Variants in SLC30A7 observed in about 807,000 individuals in gnomAD.
The protein encoded by SLC30A7 is zinc transporter 7.
In SLC30A7, 35 loss-of-function variants were observed where a neutral mutation model predicts 46.0. The observed-to-expected ratio is 0.76, with a 90% CI of 0.58 to 1.01. The LOEUF is 1.01. SLC30A7 is among the 50% of genes least tolerant of loss of function. The pLI, the probability that SLC30A7 is intolerant of heterozygous loss-of-function variation, is 0.00. For synonymous variants in SLC30A7, 147 were observed against 157.8 expected (o/e 0.93, Z 0.51); for missense variants, 464 against 451.1 (o/e 1.03, Z -0.26).
At chr1:100,948,748 T>C (rs1383052334) in intron 8 of SLC30A7, among the ~76,000 whole-genome samples, 2 of 152,140 alleles carry the variant, frequency 1.3e-5, no homozygotes, top group Non-Finnish European at 2.9e-5. Flanking sequence ...CTTTTTACTT[T>C]TTTCTCTAAA....
At chr1:100,958,278 G>A (rs1011510321) in intron 8 of SLC30A7, among the ~76,000 whole-genome samples, 1 of 152,036 alleles carries the variant, frequency 6.6e-6, no homozygotes, top group Non-Finnish European at 1.5e-5. Flanking sequence ...CCGGGTTCAC[G>A]CCATTCTCCT....
intron 8 of SLC30A7, among the ~76,000 whole-genome samples, chr1:100,945,020 T>G (rs1288636417): frequency 6.6e-6 from 1 of 152,218 alleles, no homozygotes; most frequent in Non-Finnish European, 1.5e-5. Flanking sequence ...GGTTGTGATT[T>G]GCATTTCTCT....
At chr1:100,928,821 A>T (rs769813965) in intron 8 of SLC30A7, among the ~76,000 whole-genome samples, 7 of 152,270 alleles carry the variant, frequency 4.6e-5, no homozygotes, top group Admixed American at 1.3e-4. Flanking sequence ...GCACATTTTT[A>T]AAAAAATTAT....
At chr1:100,941,672 G>C (rs1032286462) in intron 8 of SLC30A7, 5 of 630,742 alleles carry the variant, frequency 7.9e-6, no homozygotes, top group Admixed American at 5.5e-5. Flanking sequence ...ACTGGTCTCT[G>C]AGAGTCTTCT....
chr1:100,988,765 G>A, the SLC30A7 span, among the ~76,000 whole-genome samples: 24 of 151,998 alleles, frequency 1.6e-4, no homozygotes, highest in African/African-American at 5.8e-4. Context: ...CAGGATAATC[G>A]CTTGAACCTG....
chr1:100,906,259 G>A lies in SLC30A7; in HGVS notation c.183-593G>A, dbSNP rs190257243. ...CACATATCTCTTTGTGCTCTCACTG[G>A]TAGTTTGCTGTTCCTTATACTTTAT... On this transcript the variant is annotated intron_variant, in intron 2 of 10. Transcript: ENST00000357650. Among the ~76,000 whole-genome samples the A allele has an allele frequency of 1.6e-3, 242 of 152,230 alleles. 1 individual carries two copies. The highest frequency in any genetic ancestry group is 2.5e-3 in the Admixed American group (38 of 15,286).
intron 8 of SLC30A7, among the ~76,000 whole-genome samples, chr1:100,957,992 A>G (rs542537973): frequency 2.0e-4 from 30 of 152,236 alleles, no homozygotes; most frequent in Non-Finnish European, 2.9e-4. Context: ...TAATAGCAAC[A>G]CAGTAGGTAG....
At chr1:100,987,357 C>T in the SLC30A7 span, among the ~76,000 whole-genome samples, 1 of 152,286 alleles carries the variant, frequency 6.6e-6, no homozygotes, top group South Asian at 2.1e-4. Flanking sequence ...AATCCAGTTA[C>T]ATATGTTAAA....
intron 2 of SLC30A7, among the ~76,000 whole-genome samples, chr1:100,898,340 G>A (rs986918917): frequency 6.6e-6 from 1 of 152,162 alleles, no homozygotes; most frequent in Non-Finnish European, 1.5e-5. Flanking sequence ...ATCTGTTGGG[G>A]AGATTACCAG....
intron 3 of SLC30A7, among the ~76,000 whole-genome samples, chr1:100,910,173 C>T (rs988829457): frequency 6.6e-6 from 1 of 151,916 alleles, no homozygotes; most frequent in Non-Finnish European, 1.5e-5. Flanking sequence ...TAGAAGTTAA[C>T]ATAGAAACCT....
At chr1:100,941,997 C>A in intron 8 of SLC30A7, 1 of 239,248 alleles carries the variant, frequency 4.2e-6, no homozygotes, top group Admixed American at 4.9e-5. Context: ...TGCGACGTGA[C>A]GGCAGTGGGA....
At chr1:100,902,380 G>T (rs1014294613) in intron 2 of SLC30A7, among the ~76,000 whole-genome samples, 1 of 152,106 alleles carries the variant, frequency 6.6e-6, no homozygotes, top group Admixed American at 6.5e-5. Context: ...CTGCTATTCT[G>T]TGCAAAAGGA....
rs932612420 is a variant in SLC30A7 at position 100,980,577 on chromosome 1, A to G, written c.*5720A>G. 5 of 152,034 alleles carry G rather than the reference A, an allele frequency of 3.3e-5. No homozygotes were observed. The highest frequency in any genetic ancestry group is 7.4e-5 in the Non-Finnish European group (5 of 67,948). 9.4% of individuals were successfully genotyped at this position (152,034 alleles called of 1,614,324 possible). Reference sequence around the variant, plus strand: ...AAAATAAGGGTTAGGGATAGGTAAAACCAGTAATTTACTGTTTTTTACAGA... The same window carrying G: ...AAAATAAGGGTTAGGGATAGGTAAAGCCAGTAATTTACTGTTTTTTACAGA... On this transcript the variant is annotated 3_prime_UTR_variant, in exon 11 of 11. Transcript: ENST00000357650.
At chr1:100,982,812 CG>C (rs1657021222), downstream of SLC30A7, among the ~76,000 whole-genome samples, 1 of 152,112 alleles carries the variant, frequency 6.6e-6, no homozygotes, top group African/African-American at 2.4e-5. Flanking sequence ...TCCTGAATGC[CG>C]GGAGCTGGCC....
chr1:100,906,393 C>T (rs539467354), intron 2 of SLC30A7, among the ~76,000 whole-genome samples: 1 of 152,266 alleles, frequency 6.6e-6, no homozygotes, highest in South Asian at 2.1e-4. Context: ...GCCGCTCTCC[C>T]TCTCTCCCAG....
At chr1:100,985,954 T>A (rs1657240468), downstream of SLC30A7, among the ~76,000 whole-genome samples, 1 of 152,158 alleles carries the variant, frequency 6.6e-6, no homozygotes, top group Non-Finnish European at 1.5e-5. Context: ...GAATATGTAA[T>A]AAACACTCAA....
At chr1:100,952,337 A>G (rs1655000707) in intron 8 of SLC30A7, among the ~76,000 whole-genome samples, 1 of 152,224 alleles carries the variant, frequency 6.6e-6, no homozygotes. Flanking sequence ...CATCTTTAAA[A>G]TGGGGACAAT....
chr1:100,920,192 A>G (rs181883912), intron 7 of SLC30A7, among the ~76,000 whole-genome samples: 15 of 152,056 alleles, frequency 9.9e-5, no homozygotes, highest in Non-Finnish European at 2.1e-4. Flanking sequence ...TTTCATGTTT[A>G]GAGTTATTTT....
At chr1:100,965,636 A>C (rs1655816264) in intron 9 of SLC30A7, 133 bp from the exon 10 acceptor site, 2 of 720,656 alleles carry the variant, frequency 2.8e-6, no homozygotes, top group African/African-American at 3.6e-5. Context: ...TTATTTATTT[A>C]TTCAAACATC....
Sources: allele counts gnomAD v4.1 joint callset (sites outside exome capture counted in the v4.1 genomes callset), GRCh38; gene constraint gnomAD v4.1.1; transcripts MANE v1.5; gene names NCBI Gene and HGNC (gene_info 2026-07-23, HGNC 2026-07-21).